The following PPARGC1A variants were observed in gnomAD, a reference collection of about 807,000 sequenced individuals.
The protein encoded by PPARGC1A is peroxisome proliferator-activated receptor gamma coactivator 1-alpha.
A neutral mutation model predicts 88.7 loss-of-function variants in PPARGC1A; 25 were observed. That is an observed-to-expected ratio of 0.28 (90% CI 0.21 to 0.39). PPARGC1A has a LOEUF of 0.39. Among genes scored for constraint, PPARGC1A ranks in the 10% least tolerant of loss-of-function variants. The pLI is 1.00. For missense variants in PPARGC1A, 880 were observed against 968.7 expected (o/e 0.91, Z 1.22); for synonymous variants, 363 against 355.6 (o/e 1.02, Z -0.24).
At chr4:24,182,390 T>A in the PPARGC1A span, among the ~76,000 whole-genome samples, 1 of 152,214 alleles carries the variant, frequency 6.6e-6, no homozygotes, top group Non-Finnish European at 1.5e-5. Context: ...CTTTATCCTG[T>A]CTATCATTAA....
At chr4:23,966,459 A>G in the PPARGC1A span, among the ~76,000 whole-genome samples, 10 of 152,234 alleles carry the variant, frequency 6.6e-5, no homozygotes, top group East Asian at 1.5e-3. Flanking sequence ...CAGCTACCAC[A>G]TGGACAGGGC....
At chr4:24,437,897 G>A in the PPARGC1A span, among the ~76,000 whole-genome samples, 92 of 152,016 alleles carry the variant, frequency 6.1e-4, no homozygotes, top group African/African-American at 1.8e-3. Flanking sequence ...GGCTGGTCTC[G>A]AACTCCTGAC....
the PPARGC1A span, among the ~76,000 whole-genome samples, chr4:24,223,116 A>G: frequency 1.1e-3 from 173 of 152,298 alleles, 1 homozygote; most frequent in Non-Finnish European, 7.9e-4. Flanking sequence ...ACCCCTATAA[A>G]TTTGTATTTA....
the PPARGC1A span, among the ~76,000 whole-genome samples, chr4:24,293,333 A>G: frequency 0.57 from 175 of 308 alleles, 59 homozygotes; most frequent in African/African-American, 0.78. Flanking sequence ...ACCTGCCTGC[A>G]CTCCTCCCCC....
chr4:23,912,178 G>C, the PPARGC1A span, among the ~76,000 whole-genome samples: 1 of 152,136 alleles, frequency 6.6e-6, no homozygotes, highest in Non-Finnish European at 1.5e-5. Context: ...ATGAAGAGAT[G>C]GCATTTTCAA....
At chr4:24,362,236 TCAC>T in the PPARGC1A span, among the ~76,000 whole-genome samples, 1 of 152,284 alleles carries the variant, frequency 6.6e-6, no homozygotes, top group South Asian at 2.1e-4. Context: ...TGTATGTCTC[TCAC>T]CACATCATTT....
At chr4:23,840,702 GA>G (rs1560419173) in intron 2 of PPARGC1A, among the ~76,000 whole-genome samples, 2 of 152,088 alleles carry the variant, frequency 1.3e-5, no homozygotes, top group East Asian at 1.9e-4. Flanking sequence ...TAGTATATAG[GA>G]GAGGCTTAAC....
chr4:24,389,557 C>A, the PPARGC1A span, among the ~76,000 whole-genome samples: 95 of 152,150 alleles, frequency 6.2e-4, 1 homozygote, highest in African/African-American at 2.3e-3. Flanking sequence ...TAGAAATAGA[C>A]CTGGATCATA....
At chr4:24,054,604 A>T in the PPARGC1A span, among the ~76,000 whole-genome samples, 4 of 152,232 alleles carry the variant, frequency 2.6e-5, no homozygotes. Context: ...CATAATTTTC[A>T]TTTTACACAT....
chr4:24,366,104 A>G, the PPARGC1A span, among the ~76,000 whole-genome samples: 1 of 152,196 alleles, frequency 6.6e-6, no homozygotes, highest in Non-Finnish European at 1.5e-5. Flanking sequence ...CATCAGTCAG[A>G]AATTATCCAG....
the PPARGC1A span, among the ~76,000 whole-genome samples, chr4:24,239,765 T>C: frequency 6.6e-6 from 1 of 152,180 alleles, no homozygotes; most frequent in Admixed American, 6.5e-5. Context: ...AGAATCTCAC[T>C]CAGGGTGGTT....
At chr4:24,080,684 A>G in the PPARGC1A span, among the ~76,000 whole-genome samples, 1 of 152,112 alleles carries the variant, frequency 6.6e-6, no homozygotes, top group South Asian at 2.1e-4. Context: ...ATTTAACTAT[A>G]TTATTTCCTT....
the PPARGC1A span, among the ~76,000 whole-genome samples, chr4:24,053,679 G>A: frequency 5.9e-5 from 9 of 152,148 alleles, no homozygotes; most frequent in African/African-American, 1.9e-4. Flanking sequence ...TTTGTGACAC[G>A]ATGCAAGATA....
chr4:23,825,361 T>C (rs1415309401), intron 5 of PPARGC1A: 1 of 152,136 alleles, frequency 6.6e-6, no homozygotes, highest in Non-Finnish European at 1.5e-5. Context: ...TATGTGTATG[T>C]AGGTTTATGT....
At chr4:24,471,156 C>T in the PPARGC1A span, among the ~76,000 whole-genome samples, 1 of 151,544 alleles carries the variant, frequency 6.6e-6, no homozygotes, top group Admixed American at 6.6e-5. This position sits in a 1 kb window ranked among gnomAD's most constrained non-coding sequence, Gnocchi z 5.4. Flanking sequence ...CGACACCCCC[C>T]ACCCCTAGCG....
chr4:24,136,556 G>A, the PPARGC1A span, among the ~76,000 whole-genome samples: 6 of 152,148 alleles, frequency 3.9e-5, no homozygotes, highest in African/African-American at 9.7e-5. Context: ...TCAGGAGAGG[G>A]GTCGCCTTCA....
chr4:24,152,408 A>G, the PPARGC1A span, among the ~76,000 whole-genome samples: 1 of 152,212 alleles, frequency 6.6e-6, no homozygotes, highest in Non-Finnish European at 1.5e-5. Context: ...GCCAACATCC[A>G]TGGAGAGAAA....
chr4:24,189,040 A>G, the PPARGC1A span, among the ~76,000 whole-genome samples: 4 of 152,282 alleles, frequency 2.6e-5, no homozygotes, highest in South Asian at 8.3e-4. Context: ...GAAATAAGCC[A>G]GTCACCAAAA....
the PPARGC1A span, among the ~76,000 whole-genome samples, chr4:24,163,518 C>T: frequency 1.3e-5 from 2 of 152,076 alleles, no homozygotes; most frequent in Non-Finnish European, 2.9e-5. Context: ...ATATGCTGAC[C>T]TTTCCGAAAA....
Sources: gnomAD v4.1 joint callset for allele counts (sites outside exome capture counted in the v4.1 genomes callset) on GRCh38, gnomAD v4.1.1 for gene constraint, Gnocchi (gnomAD v3.1) non-coding constraint, MANE v1.5 for transcripts, NCBI Gene and HGNC (gene_info 2026-07-23, HGNC 2026-07-21) for gene names.